MARCHF3: variants seen among roughly 807,000 people sequenced by gnomAD.
The protein encoded by MARCHF3 is E3 ubiquitin-protein ligase MARCHF3.
In MARCHF3, 13 loss-of-function variants were observed where a neutral mutation model predicts 24.2. The observed-to-expected ratio is 0.54, with a 90% CI of 0.35 to 0.85. MARCHF3 has a LOEUF of 0.85. Among genes scored for constraint, MARCHF3 ranks in the 40% least tolerant of loss-of-function variants. The probability of loss-of-function intolerance (pLI) is 0.01; values close to 1 mark genes in which losing one functional copy is unlikely to be tolerated. For missense variants in MARCHF3, 276 were observed against 325.0 expected (o/e 0.85, Z 1.16); for synonymous variants, 144 against 137.3 (o/e 1.05, Z -0.34).
chr5:126,988,880 A>G (rs1344707119), intron 1 of MARCHF3, among the ~76,000 whole-genome samples: 2 of 152,180 alleles, frequency 1.3e-5, no homozygotes, highest in Admixed American at 6.5e-5. Flanking sequence ...TTCTTAACCT[A>G]TATATATACT....
chr5:127,004,520 C>T (rs1420697585), intron 1 of MARCHF3, among the ~76,000 whole-genome samples: 2 of 151,264 alleles, frequency 1.3e-5, no homozygotes, highest in Admixed American at 6.6e-5. Context: ...TACCTCATTA[C>T]ATAGGTTCAG....
intron 1 of MARCHF3, among the ~76,000 whole-genome samples, chr5:126,934,965 A>G (rs1336343329): frequency 6.6e-6 from 1 of 152,202 alleles, no homozygotes; most frequent in African/African-American, 2.4e-5. Context: ...CCCACTGGGA[A>G]TAAAATGTCT....
intron 3 of MARCHF3, among the ~76,000 whole-genome samples, chr5:126,887,299 G>A (rs1580601692): frequency 6.6e-6 from 1 of 152,138 alleles, no homozygotes; most frequent in East Asian, 1.9e-4. Flanking sequence ...AATTGAAATA[G>A]AACATTCCAT....
chr5:126,878,811 C>T (rs756279808), intron 3 of MARCHF3, among the ~76,000 whole-genome samples: 14 of 152,152 alleles, frequency 9.2e-5, no homozygotes, highest in Non-Finnish European at 1.5e-4. Flanking sequence ...GCTCAAGCCC[C>T]GCACATTCCC....
chr5:126,993,729 A>T (rs892567181), intron 1 of MARCHF3, among the ~76,000 whole-genome samples: 1 of 152,196 alleles, frequency 6.6e-6, no homozygotes, highest in Non-Finnish European at 1.5e-5. Context: ...ACCCTTTGGG[A>T]TGGCGTCTAC....
chr5:126,945,230 C>G (rs185349841), intron 1 of MARCHF3, among the ~76,000 whole-genome samples: 28 of 152,182 alleles, frequency 1.8e-4, no homozygotes, highest in Non-Finnish European at 2.9e-4. Flanking sequence ...GTATTTACAC[C>G]GTGGGATTGG....
chr5:126,993,464 T>C (rs967949517), intron 1 of MARCHF3, among the ~76,000 whole-genome samples: 2 of 152,156 alleles, frequency 1.3e-5, no homozygotes, highest in African/African-American at 2.4e-5. Flanking sequence ...GGAAATATCA[T>C]CCTCTAAAAG....
intron 3 of MARCHF3, among the ~76,000 whole-genome samples, chr5:126,908,783 A>C (rs182595769): frequency 0.018 from 2,763 of 151,550 alleles, 47 homozygotes; most frequent in South Asian, 0.036. Context: ...CCTGTAGCTC[A>C]GAGTAATTCC....
intron 1 of MARCHF3, among the ~76,000 whole-genome samples, chr5:127,020,564 C>T (rs1303152994): frequency 6.6e-6 from 1 of 152,064 alleles, no homozygotes; most frequent in East Asian, 1.9e-4. Context: ...TAAAAAGAGA[C>T]CCTAGGCTGG....
intron 1 of MARCHF3, among the ~76,000 whole-genome samples, chr5:127,016,938 A>G (rs565234188): frequency 1.3e-5 from 2 of 152,346 alleles, no homozygotes; most frequent in African/African-American, 4.8e-5. Context: ...GCAGCCATAA[A>G]AAAGGATGAG....
At chr5:126,981,321 C>A (rs1022323732) in intron 1 of MARCHF3, among the ~76,000 whole-genome samples, 1 of 152,148 alleles carries the variant, frequency 6.6e-6, no homozygotes, top group Non-Finnish European at 1.5e-5. Flanking sequence ...TGCAAAACAT[C>A]GAGTAAACTT....
intron 3 of MARCHF3, among the ~76,000 whole-genome samples, chr5:126,904,759 T>C (rs1754228301): frequency 6.6e-6 from 1 of 151,770 alleles, no homozygotes; most frequent in Non-Finnish European, 1.5e-5. Flanking sequence ...TCCCATTCTG[T>C]AGGTTGCCTG....
rs1751432210 is a variant in MARCHF3 at position 126,982,736 on chromosome 5, G to A, written c.-57+47614C>T. On this transcript the variant is annotated intron_variant, in intron 1 of 4. Transcript: ENST00000308660. ...CTAGATTTTCACATTTGTAAAATGGGATAAATGCACCTTCACAGAAATACT... is the reference window on the plus strand; with the variant it reads ...CTAGATTTTCACATTTGTAAAATGGAATAAATGCACCTTCACAGAAATACT... Among the ~76,000 whole-genome samples the A allele has an allele frequency of 4.6e-5, 7 of 152,302 alleles. No homozygotes were observed. In the South Asian group the frequency reaches 1.5e-3, roughly 32 times the overall value.
rs1253498174 is a variant in MARCHF3 at position 126,909,075 on chromosome 5, C to T, written c.393+5855G>A. Among the ~76,000 whole-genome samples, 5 of 152,280 alleles carry T rather than the reference C, an allele frequency of 3.3e-5. No homozygotes were observed. The East Asian group carries it at 5.8e-4, about 18-fold the overall frequency. On this transcript the variant is annotated intron_variant, in intron 3 of 4. Transcript: ENST00000308660. Reference sequence around the variant, plus strand: ...TCAGCTGCAGGTCTGTTGGAGTACCCGGCCGTGTGAGGTGTCAGTCTGCCC... The same window carrying T: ...TCAGCTGCAGGTCTGTTGGAGTACCTGGCCGTGTGAGGTGTCAGTCTGCCC...
chr5:126,962,957 T>G (rs370496597), intron 1 of MARCHF3, among the ~76,000 whole-genome samples: 2 of 152,092 alleles, frequency 1.3e-5, no homozygotes, highest in African/African-American at 4.8e-5. Flanking sequence ...GATTTTTTCA[T>G]GAGAAAGTGT....
intron 3 of MARCHF3, chr5:126,898,731 C>A: frequency 2.4e-6 from 1 of 413,538 alleles, no homozygotes; most frequent in Non-Finnish European, 3.2e-6. Context: ...GCTGCTCCTA[C>A]GTGCCAGCAT....
At chr5:126,952,381 T>G (rs997886837) in intron 1 of MARCHF3, among the ~76,000 whole-genome samples, 1 of 152,200 alleles carries the variant, frequency 6.6e-6, no homozygotes, top group African/African-American at 2.4e-5. Flanking sequence ...TAATGCAAAT[T>G]CACTCATTAA....
chr5:127,029,420 TTC>T (rs1258781345), intron 1 of MARCHF3, among the ~76,000 whole-genome samples: 1 of 152,246 alleles, frequency 6.6e-6, no homozygotes, highest in Non-Finnish European at 1.5e-5. Flanking sequence ...TCGTATTGAA[TTC>T]TGTTTATTCC....
intron 1 of MARCHF3, 150 bp from the exon 2 acceptor site, chr5:126,918,377 C>T (rs1402074105): frequency 1.7e-6 from 1 of 579,182 alleles, no homozygotes; most frequent in Non-Finnish European, 3.0e-6. Flanking sequence ...CTGTTTAATA[C>T]AAGTGCACAC....
Sources: allele counts gnomAD v4.1 joint callset (sites outside exome capture counted in the v4.1 genomes callset), GRCh38; gene constraint gnomAD v4.1.1; transcripts MANE v1.5; gene names NCBI Gene and HGNC (gene_info 2026-07-23, HGNC 2026-07-21).